SORCS1: variants seen among roughly 807,000 people sequenced by gnomAD.
The protein encoded by SORCS1 is sortilin related VPS10 domain containing receptor 1.
A neutral mutation model predicts 146.1 loss-of-function variants in SORCS1; 60 were observed. That is an observed-to-expected ratio of 0.41 (90% CI 0.33 to 0.51). SORCS1 has a LOEUF of 0.51. Ranked by LOEUF, SORCS1 falls within the 20% of genes least tolerant of loss-of-function variation. SORCS1 has a pLI of 0.21. For missense variants in SORCS1, 1,352 were observed against 1,487.6 expected, an observed-to-expected ratio of 0.91 and a Z score of 1.50; for synonymous variants, 637 against 584.0, an observed-to-expected ratio of 1.09 and a Z score of -1.31.
chr10:106,923,465 A>C (rs1250240940), intron 2 of SORCS1, among the ~76,000 whole-genome samples: 2 of 152,218 alleles, frequency 1.3e-5, no homozygotes, highest in African/African-American at 4.8e-5. Context: ...GTTTTCATCA[A>C]TTCAGTTGGG....
chr10:106,805,773 A>C (rs1018610086), intron 3 of SORCS1, among the ~76,000 whole-genome samples: 9 of 152,238 alleles, frequency 5.9e-5, no homozygotes, highest in African/African-American at 2.2e-4. Flanking sequence ...TTTAAAAAAA[A>C]ATCAGCCGGG....
At chr10:107,122,096 G>A (rs1055529082) in intron 1 of SORCS1, among the ~76,000 whole-genome samples, 3 of 152,112 alleles carry the variant, frequency 2.0e-5, no homozygotes, top group African/African-American at 7.2e-5. Flanking sequence ...GAAGTGCTCC[G>A]GAGACTGGTT....
chr10:106,840,636 T>C (rs1554857114), intron 2 of SORCS1, among the ~76,000 whole-genome samples: 1 of 151,960 alleles, frequency 6.6e-6, no homozygotes, highest in Non-Finnish European at 1.5e-5. Flanking sequence ...ATGTGTAAAA[T>C]GATATCAAAA....
At chr10:107,130,127 C>A (rs557270553) in intron 1 of SORCS1, among the ~76,000 whole-genome samples, 1 of 152,180 alleles carries the variant, frequency 6.6e-6, no homozygotes, top group Admixed American at 6.5e-5. Context: ...GTCTTCCAAT[C>A]CTAATTTTAA....
intron 4 of SORCS1, among the ~76,000 whole-genome samples, chr10:106,770,933 G>A (rs1859973756): frequency 1.3e-5 from 2 of 152,216 alleles, no homozygotes; most frequent in African/African-American, 4.8e-5. Flanking sequence ...GGTGGGAATT[G>A]CACAGGACAG....
chr10:106,659,842 A>G (rs1850590205), intron 17 of SORCS1, among the ~76,000 whole-genome samples: 1 of 152,180 alleles, frequency 6.6e-6, no homozygotes, highest in African/African-American at 2.4e-5. Flanking sequence ...CCCCAGTGTC[A>G]TGCATGAAAA....
intron 1 of SORCS1, among the ~76,000 whole-genome samples, chr10:107,131,774 A>T (rs1441273870): frequency 6.6e-6 from 1 of 152,214 alleles, no homozygotes; most frequent in Non-Finnish European, 1.5e-5. Context: ...AGTCTGCTAC[A>T]CAGAGGATGC....
chr10:106,802,245 G>A (rs1202379712), intron 3 of SORCS1, among the ~76,000 whole-genome samples: 3 of 152,154 alleles, frequency 2.0e-5, no homozygotes, highest in African/African-American at 4.8e-5. Context: ...TTATGAGAGT[G>A]ATAAGGTGAG....
chr10:106,737,178 A>C (rs1857012272), intron 5 of SORCS1, among the ~76,000 whole-genome samples: 1 of 152,114 alleles, frequency 6.6e-6, no homozygotes. Context: ...TATTGAGCAA[A>C]GGGCTTGGTA....
chr10:106,726,760 G>A (rs776567044), intron 6 of SORCS1, among the ~76,000 whole-genome samples: 7 of 152,100 alleles, frequency 4.6e-5, no homozygotes, highest in African/African-American at 9.7e-5. Flanking sequence ...TCACAGACCC[G>A]CAGCATGGAT....
At chr10:107,071,519 T>G (rs1962425576) in intron 1 of SORCS1, among the ~76,000 whole-genome samples, 1 of 152,186 alleles carries the variant, frequency 6.6e-6, no homozygotes, top group Admixed American at 6.5e-5. Flanking sequence ...CCTTGCAATG[T>G]GAATAAGGAT....
intron 18 of SORCS1, among the ~76,000 whole-genome samples, chr10:106,643,460 G>A (rs1340386867): frequency 1.3e-5 from 2 of 152,210 alleles, no homozygotes; most frequent in South Asian, 2.1e-4. Context: ...TTTCTGCAAG[G>A]AGGAGTCTGA....
intron 2 of SORCS1, among the ~76,000 whole-genome samples, chr10:106,888,292 C>T (rs1168624237): frequency 2.0e-5 from 3 of 152,164 alleles, no homozygotes; most frequent in African/African-American, 7.2e-5. Flanking sequence ...TAAGATCAAA[C>T]TGACTGAGGC....
At chr10:106,781,626 C>T (rs2136419357) in intron 3 of SORCS1, among the ~76,000 whole-genome samples, 1 of 152,238 alleles carries the variant, frequency 6.6e-6, no homozygotes, top group Non-Finnish European at 1.5e-5. Flanking sequence ...ATTTGCAAAC[C>T]TCTGATCTCA....
chr10:107,069,668 G>C (rs192434241), intron 1 of SORCS1, among the ~76,000 whole-genome samples: 1 of 152,108 alleles, frequency 6.6e-6, no homozygotes, highest in African/African-American at 2.4e-5. Context: ...GAGCCACCTC[G>C]CCTGGCCCAT....
At chr10:106,730,457 G>A (rs1004943747) in intron 5 of SORCS1, among the ~76,000 whole-genome samples, 6 of 152,154 alleles carry the variant, frequency 3.9e-5, no homozygotes, top group Admixed American at 6.5e-5. Flanking sequence ...TATTAGGCAG[G>A]CATGCTGCTT....
intron 1 of SORCS1, among the ~76,000 whole-genome samples, chr10:107,124,101 A>C (rs1966564040): frequency 6.6e-6 from 1 of 151,604 alleles, no homozygotes; most frequent in African/African-American, 2.4e-5. Context: ...AAAAAAAAAA[A>C]GAAAAGAAAA....
intron 17 of SORCS1, among the ~76,000 whole-genome samples, chr10:106,653,776 G>C (rs1353495167): frequency 6.6e-6 from 1 of 152,072 alleles, no homozygotes; most frequent in Non-Finnish European, 1.5e-5. Flanking sequence ...GAATTAAATG[G>C]GTTAATGTAC....
intron 2 of SORCS1, among the ~76,000 whole-genome samples, chr10:106,932,184 A>G (rs921421010): frequency 1.3e-5 from 2 of 152,214 alleles, no homozygotes; most frequent in Non-Finnish European, 2.9e-5. Context: ...GTAGAAGCAT[A>G]CTATAGTATT....
Sources: gnomAD v4.1 joint callset for allele counts (sites outside exome capture counted in the v4.1 genomes callset) on GRCh38, gnomAD v4.1.1 for gene constraint, MANE v1.5 for transcripts, NCBI Gene and HGNC (gene_info 2026-07-23, HGNC 2026-07-21) for gene names.